Variants in SMARCC1 observed in about 807,000 individuals in gnomAD.
The protein encoded by SMARCC1 is SWI/SNF related BAF chromatin remodeling complex subunit C1.
In SMARCC1, 43 loss-of-function variants were observed where a neutral mutation model predicts 147.4. The ratio of observed to expected loss-of-function variants is 0.29; its 90% confidence interval spans 0.23 to 0.38. The LOEUF is 0.38. Ranked by LOEUF, SMARCC1 falls within the 10% of genes least tolerant of loss-of-function variation. SMARCC1 has a pLI of 1.00. For missense variants in SMARCC1, 1,119 were observed against 1,381.1 expected, an observed-to-expected ratio of 0.81 and a Z score of 3.01; for synonymous variants, 495 against 484.4, an observed-to-expected ratio of 1.02 and a Z score of -0.29.
chr3:47,653,209 G>A (rs907300292), intron 21 of SMARCC1, among the ~76,000 whole-genome samples: 5 of 151,974 alleles, frequency 3.3e-5, no homozygotes, highest in African/African-American at 7.2e-5. Context: ...CACCCGCCTC[G>A]GCCTCCCAAA....
intron 21 of SMARCC1, among the ~76,000 whole-genome samples, chr3:47,645,773 A>G (rs1165723930): frequency 6.6e-6 from 1 of 152,234 alleles, no homozygotes. Flanking sequence ...TCCACATTCC[A>G]AAAGGATGAC....
chr3:47,712,256 CTAAA>C (rs1170094928), intron 8 of SMARCC1, among the ~76,000 whole-genome samples: 4 of 151,070 alleles, frequency 2.6e-5, no homozygotes, highest in South Asian at 2.1e-4. Flanking sequence ...AACTAACTAA[CTAAA>C]TAAATAAATA....
At chr3:47,666,672 C>T (rs541729475) in intron 19 of SMARCC1, among the ~76,000 whole-genome samples, 6 of 151,278 alleles carry the variant, frequency 4.0e-5, no homozygotes, top group East Asian at 3.9e-4. Flanking sequence ...CCCAGGATGG[C>T]GCTGAATGTG....
At chr3:47,713,358 T>C (rs542193734) in intron 8 of SMARCC1, among the ~76,000 whole-genome samples, 1 of 135,730 alleles carries the variant, frequency 7.4e-6, no homozygotes, top group South Asian at 2.3e-4. Flanking sequence ...AATAAATAAA[T>C]AAAAGATAAA....
chr3:47,777,135 G>A (rs1258329293), intron 1 of SMARCC1, among the ~76,000 whole-genome samples: 1 of 150,856 alleles, frequency 6.6e-6, no homozygotes, highest in Non-Finnish European at 1.5e-5. Flanking sequence ...AGGCTGGAGT[G>A]CAGTGGCGTA....
At chr3:47,684,327 C>T (rs572984316) in intron 14 of SMARCC1, among the ~76,000 whole-genome samples, 5 of 151,444 alleles carry the variant, frequency 3.3e-5, no homozygotes, top group Non-Finnish European at 5.9e-5. Flanking sequence ...AAATCAGAGA[C>T]GATGCTAAGG....
rs760327221 is a variant in SMARCC1, at chr3:47,781,595, G to A, written c.195+8C>T. ...GGTCTCCCGGCCCCCACGGGCGCGC[G>A]AACCCACCTTCTTGTAGTGCTTGCC... On this transcript the variant is annotated splice_region_variant and intron_variant, in intron 1 of 27. Transcript: ENST00000254480. The A allele has an allele frequency of 2.0e-6, 3 of 1,515,424 alleles. No homozygotes were observed. The highest frequency in any genetic ancestry group is 1.3e-5 in the South Asian group (1 of 79,126). The allele number at this position is 1,515,424 out of a possible 1,614,324, so 93.9% of individuals were successfully genotyped here. A position where few individuals can be genotyped will look rare whatever the true frequency, so the allele number is the denominator to read the frequency against.
At chr3:47,603,612 T>C (rs113255939) in intron 26 of SMARCC1, 44 of 192,346 alleles carry the variant, frequency 2.3e-4, no homozygotes, top group Non-Finnish European at 3.7e-4. Context: ...TGCTTAAGAA[T>C]TGGTTTCTAT....
chr3:47,767,878 CT>C (rs60907462), intron 2 of SMARCC1, among the ~76,000 whole-genome samples: 46,411 of 145,112 alleles, frequency 0.32, 7,394 homozygotes, highest in East Asian at 0.43. Flanking sequence ...ACAGTGAACT[CT>C]TTTTTTTTTT....
intron 1 of SMARCC1, among the ~76,000 whole-genome samples, chr3:47,780,263 C>T (rs914305529): frequency 7.0e-6 from 1 of 143,256 alleles, no homozygotes; most frequent in South Asian, 2.2e-4. Context: ...CTTCTGCCTC[C>T]TGGGTTCAAG....
At chr3:47,595,223 A>C (rs1318269707) in intron 26 of SMARCC1, among the ~76,000 whole-genome samples, 1 of 152,130 alleles carries the variant, frequency 6.6e-6, no homozygotes, top group Admixed American at 6.5e-5. Context: ...GGGTTAAAAA[A>C]AATTTTTTTT....
intron 1 of SMARCC1, among the ~76,000 whole-genome samples, chr3:47,779,530 C>T (rs563353016): frequency 6.6e-6 from 1 of 152,310 alleles, no homozygotes; most frequent in East Asian, 1.9e-4. Context: ...TCTGGCTTTA[C>T]AAAGTCCTGA....
At chr3:47,676,502 A>C in intron 17 of SMARCC1, 127 bp downstream of exon 17, 1 of 706,834 alleles carries the variant, frequency 1.4e-6, no homozygotes, top group Non-Finnish European at 2.3e-6. Context: ...ATACACACAC[A>C]AGCAAGGATC....
At chr3:47,729,986 G>A (rs935552487) in intron 5 of SMARCC1, among the ~76,000 whole-genome samples, 9 of 151,830 alleles carry the variant, frequency 5.9e-5, no homozygotes, top group Non-Finnish European at 4.4e-5. Context: ...CGAGACCAGC[G>A]TGGCCAACAC....
intron 21 of SMARCC1, among the ~76,000 whole-genome samples, chr3:47,653,630 C>G (rs982342340): frequency 6.6e-6 from 1 of 152,162 alleles, no homozygotes. Flanking sequence ...AAGGGAGAAA[C>G]ATTTGCTGTT....
chr3:47,643,673 A>G (rs1028496936), intron 21 of SMARCC1, among the ~76,000 whole-genome samples: 3 of 152,238 alleles, frequency 2.0e-5, no homozygotes, highest in Non-Finnish European at 4.4e-5. Flanking sequence ...TGTTTGTGAT[A>G]AAAGTTATTT....
At chr3:47,675,938 C>T (rs1175175120) in intron 17 of SMARCC1, among the ~76,000 whole-genome samples, 1 of 150,330 alleles carries the variant, frequency 6.7e-6, no homozygotes, top group African/African-American at 2.5e-5. Flanking sequence ...GTGCAAGATT[C>T]CGTCTCAAAA....
chr3:47,771,961 A>G (rs2034919165), intron 2 of SMARCC1, among the ~76,000 whole-genome samples: 1 of 151,808 alleles, frequency 6.6e-6, no homozygotes, highest in Non-Finnish European at 1.5e-5. Context: ...GCGCACCTGT[A>G]ATCCTAGCTA....
At chr3:47,636,779 AAT>A (rs548964082) in intron 22 of SMARCC1, among the ~76,000 whole-genome samples, 11,093 of 80,742 alleles carry the variant, frequency 0.14, 584 homozygotes, top group East Asian at 0.18. Flanking sequence ...ACCACAACAA[AAT>A]ATATATATGT....
Sources: gnomAD v4.1 joint callset for allele counts (sites outside exome capture counted in the v4.1 genomes callset) on GRCh38, gnomAD v4.1.1 for gene constraint, MANE v1.5 for transcripts, NCBI Gene and HGNC (gene_info 2026-07-23, HGNC 2026-07-21) for gene names.